The following TNKS variants were observed in gnomAD, a reference collection of about 807,000 sequenced individuals.
The protein encoded by TNKS is tankyrase, also known as poly [ADP-ribose] polymerase tankyrase-1.
In TNKS, 72 loss-of-function variants were observed where a neutral mutation model predicts 135.8. The ratio of observed to expected loss-of-function variants is 0.53; its 90% CI spans 0.44 to 0.64. The LOEUF (loss-of-function observed/expected upper bound fraction) is 0.64, where lower values mean the gene tolerates loss of function less well. TNKS is among the 30% of genes least tolerant of loss of function. The pLI is 0.00. For synonymous variants in TNKS, 849 were observed against 649.3 expected, an observed-to-expected ratio of 1.31 and a Z score of -4.68; for missense variants, 1,769 against 1,674.0, an observed-to-expected ratio of 1.06 and a Z score of -0.99.
intron 9 of TNKS, among the ~76,000 whole-genome samples, chr8:9,709,324 C>T (rs1047563312): frequency 1.3e-5 from 2 of 152,056 alleles, no homozygotes; most frequent in Non-Finnish European, 2.9e-5. Context: ...ATATTCATAG[C>T]CACAGAATAA....
intron 9 of TNKS, among the ~76,000 whole-genome samples, chr8:9,709,145 A>G (rs1006349270): frequency 5.3e-5 from 8 of 152,184 alleles, no homozygotes; most frequent in Non-Finnish European, 8.8e-5. Flanking sequence ...TACCTAATTA[A>G]TATTCTTACG....
At chr8:9,600,502 C>G (rs996171469) in intron 2 of TNKS, among the ~76,000 whole-genome samples, 1 of 152,010 alleles carries the variant, frequency 6.6e-6, no homozygotes, top group East Asian at 1.9e-4. Context: ...TTTGTAGAGA[C>G]AGGTCTCGCC....
At chr8:9,573,468 C>T (rs1389355628) in intron 1 of TNKS, among the ~76,000 whole-genome samples, 1 of 152,286 alleles carries the variant, frequency 6.6e-6, no homozygotes, top group Non-Finnish European at 1.5e-5. Context: ...GAGTAGGTTA[C>T]ATTCAGTTTA....
chr8:9,646,195 G>C (rs1800913714), intron 3 of TNKS, among the ~76,000 whole-genome samples: 1 of 151,858 alleles, frequency 6.6e-6, no homozygotes, highest in South Asian at 2.1e-4. Context: ...TCTTGCTCTT[G>C]AGATTTCTTT....
At chr8:9,755,853 C>G (rs1312214965) in intron 20 of TNKS, among the ~76,000 whole-genome samples, 1 of 152,170 alleles carries the variant, frequency 6.6e-6, no homozygotes, top group Non-Finnish European at 1.5e-5. Flanking sequence ...TTCGGCACAT[C>G]ATAGCCTCAC....
chr8:9,609,735 G>A (rs1302974739), intron 2 of TNKS, among the ~76,000 whole-genome samples: 1 of 152,090 alleles, frequency 6.6e-6, no homozygotes, highest in Non-Finnish European at 1.5e-5. Flanking sequence ...TACAGCCTAA[G>A]GGTAGATTTA....
chr8:9,641,746 A>G (rs1296209333), intron 3 of TNKS, among the ~76,000 whole-genome samples: 1 of 145,338 alleles, frequency 6.9e-6, no homozygotes, highest in East Asian at 2.1e-4. Flanking sequence ...CCTGATGGCC[A>G]GTTATGATGA....
chr8:9,637,381 A>G (rs1003032213), intron 3 of TNKS, among the ~76,000 whole-genome samples: 4 of 152,194 alleles, frequency 2.6e-5, no homozygotes, highest in East Asian at 3.9e-4. Flanking sequence ...ATTGCTCTTT[A>G]TAATTCTAGT....
At chr8:9,568,645 T>G (rs1161534931) in intron 1 of TNKS, among the ~76,000 whole-genome samples, 1 of 152,238 alleles carries the variant, frequency 6.6e-6, no homozygotes. Context: ...AATGTCTGGC[T>G]TAAAAAGAGA....
At chr8:9,662,974 A>G (rs1247667724) in intron 3 of TNKS, among the ~76,000 whole-genome samples, 1 of 152,178 alleles carries the variant, frequency 6.6e-6, no homozygotes. Flanking sequence ...TGAGATGGAG[A>G]GATTATCTTG....
chr8:9,753,367 G>T (rs928030681), intron 20 of TNKS, among the ~76,000 whole-genome samples: 1 of 152,122 alleles, frequency 6.6e-6, no homozygotes, highest in African/African-American at 2.4e-5. Context: ...CCTTTATGAA[G>T]TTTCTGTTGT....
intron 12 of TNKS, among the ~76,000 whole-genome samples, chr8:9,720,774 C>G (rs1263768233): frequency 6.6e-6 from 1 of 152,106 alleles, no homozygotes; most frequent in African/African-American, 2.4e-5. Context: ...GAAAACCTGA[C>G]TCATGAGTGT....
intron 8 of TNKS, among the ~76,000 whole-genome samples, 182 bp downstream of exon 8, chr8:9,707,179 T>C (rs537095081): frequency 6.6e-6 from 1 of 152,348 alleles, no homozygotes; most frequent in South Asian, 2.1e-4. Context: ...ACACTTTTTG[T>C]ATATATTGTA....
chr8:9,560,903 A>T (rs559312004), intron 1 of TNKS, among the ~76,000 whole-genome samples: 18 of 152,274 alleles, frequency 1.2e-4, no homozygotes, highest in Admixed American at 5.2e-4. Flanking sequence ...AAGATGTGCA[A>T]AGTGTCTCTT....
At chr8:9,694,261 T>C (rs1452574234) in intron 5 of TNKS, among the ~76,000 whole-genome samples, 1 of 152,178 alleles carries the variant, frequency 6.6e-6, no homozygotes, top group Non-Finnish European at 1.5e-5. Context: ...TAACTCTCAT[T>C]CATTCTTTTT....
chr8:9,607,323 C>T (rs1799265714), intron 2 of TNKS, among the ~76,000 whole-genome samples: 2 of 152,112 alleles, frequency 1.3e-5, no homozygotes, highest in Non-Finnish European at 2.9e-5. Flanking sequence ...TGTATGCAGT[C>T]TTTTCTGATA....
chr8:9,680,815 A>G lies in TNKS; in HGVS notation c.1107+15A>G, dbSNP rs1316668874. On this transcript the variant is annotated intron_variant, in intron 5 of 26. Transcript: ENST00000310430. Reference sequence around the variant, plus strand: ...ATGGGCGAAAGGTAAGTTATTTTAAATACAATCCTCTTTAATTGCAATGCT... The same window carrying G: ...ATGGGCGAAAGGTAAGTTATTTTAAGTACAATCCTCTTTAATTGCAATGCT... 1.2e-6 allele frequency: 2 copies of G among 1,605,358 alleles called. No homozygotes were observed. Among genetic ancestry groups the G allele is most frequent in the Non-Finnish European group, 1.7e-6 (2 of 1,172,920 alleles).
At chr8:9,713,018 CAT>C (rs1013663553) in intron 11 of TNKS, among the ~76,000 whole-genome samples, 1 of 151,838 alleles carries the variant, frequency 6.6e-6, no homozygotes. Context: ...CAAAGAAATT[CAT>C]ATATATATAT....
At position 9,687,461 on chromosome 8, in the gene TNKS, A is replaced by G. The variant is rs895662311; in HGVS notation, c.1107+6661A>G. Among the ~76,000 whole-genome samples, 7 of 152,160 alleles carry G rather than the reference A, an allele frequency of 4.6e-5. No individual in the cohort carries two copies. In the South Asian group the frequency reaches 1.2e-3, roughly 27 times the overall value. ...TTATGCTTATGTATATTCATTTTGT[A>G]CCAATGAGGACTTGAAAATGTCTTT... is the stretch of plus-strand genomic sequence containing the variant. On this transcript the variant is annotated intron_variant, in intron 5 of 26. Coordinates refer to ENST00000310430, the MANE Select transcript of TNKS (RefSeq NM_003747.3).
Sources: allele counts gnomAD v4.1 joint callset (sites outside exome capture counted in the v4.1 genomes callset), GRCh38; gene constraint gnomAD v4.1.1; transcripts MANE v1.5; gene names NCBI Gene and HGNC (gene_info 2026-07-23, HGNC 2026-07-21).